The following RBFOX3 variants were observed in gnomAD, a reference collection of about 807,000 sequenced individuals.
The protein encoded by RBFOX3 is RNA binding fox-1 homolog 3.
Under a neutral mutation model 48.7 loss-of-function variants are expected in RBFOX3, and 17 were observed. The ratio of observed to expected loss-of-function variants is 0.35; its 90% confidence interval spans 0.24 to 0.52. The LOEUF is 0.52. Ranked by LOEUF, RBFOX3 falls within the 20% of genes least tolerant of loss-of-function variation. The pLI is 0.94. For missense variants in RBFOX3, 382 were observed against 497.5 expected (o/e 0.77, Z 2.21); for synonymous variants, 212 against 209.5 (o/e 1.01, Z -0.10).
chr17:79,618,847 T>G, the RBFOX3 span, among the ~76,000 whole-genome samples: 1 of 152,088 alleles, frequency 6.6e-6, no homozygotes, highest in Non-Finnish European at 1.5e-5. Context: ...AAATGAAAAC[T>G]AGGCTCAGCA....
the RBFOX3 span, among the ~76,000 whole-genome samples, chr17:79,661,505 G>C: frequency 6.6e-6 from 1 of 152,180 alleles, no homozygotes; most frequent in African/African-American, 2.4e-5. Flanking sequence ...CTACTGTGTT[G>C]CTTGGCCTGG....
intron 1 of RBFOX3, among the ~76,000 whole-genome samples, chr17:79,588,687 G>A (rs1226666115): frequency 2.6e-5 from 4 of 152,022 alleles, no homozygotes; most frequent in East Asian, 1.9e-4. Flanking sequence ...GTGATATAAC[G>A]AGACCCATCC....
chr17:79,106,605 TG>T (rs2077428180), intron 6 of RBFOX3, 45 bp downstream of exon 6: 1 of 1,411,142 alleles, frequency 7.1e-7, no homozygotes, highest in Non-Finnish European at 9.2e-7. Flanking sequence ...ACCCTGGAGC[TG>T]GGGCAGGTGT....
At position 79,214,568 on chromosome 17, in the gene RBFOX3, G is replaced by A. The variant is rs560456128; in HGVS notation, c.-34+21198C>T. 2.6e-5 allele frequency among the ~76,000 whole-genome samples: 4 copies of A among 152,074 alleles called. No homozygotes were observed. The South Asian group carries it at 6.3e-4, about 24-fold the overall frequency. On this transcript the variant is annotated intron_variant, in intron 4 of 14. Coordinates refer to ENST00000693108, the MANE Select transcript of RBFOX3 (RefSeq NM_001350451.2). The surrounding 1 kb of genome is among the most constrained non-coding windows in gnomAD (Gnocchi z 4.7). The stretch of plus-strand genomic sequence containing the variant: ...CCAAGTGGGAGGGATGTCTGGGGGG[G>A]GTCTCGGAGGAAGCAGGAAGGGTTG...
chr17:79,493,306 C>T (rs1411823403), intron 1 of RBFOX3, among the ~76,000 whole-genome samples: 1 of 152,204 alleles, frequency 6.6e-6, no homozygotes, highest in African/African-American at 2.4e-5. Context: ...CCAGGCCCCA[C>T]CTCTAACACT....
the RBFOX3 span, among the ~76,000 whole-genome samples, chr17:79,626,647 C>T: frequency 7.0e-4 from 106 of 152,368 alleles, 2 homozygotes; most frequent in Non-Finnish European, 7.2e-4. Context: ...ACTCTCCCAC[C>T]GATGGGATAT....
chr17:79,440,159 CAG>C (rs1362700852), intron 2 of RBFOX3, among the ~76,000 whole-genome samples: 3 of 152,194 alleles, frequency 2.0e-5, no homozygotes, highest in African/African-American at 7.2e-5. Flanking sequence ...CCTTACCGAA[CAG>C]AGATAAAGCC....
chr17:79,181,163 A>G (rs545472211), intron 4 of RBFOX3, among the ~76,000 whole-genome samples: 1 of 152,350 alleles, frequency 6.6e-6, no homozygotes, highest in East Asian at 1.9e-4. Context: ...CAAGGAAGAC[A>G]CTGAGGTTCA....
chr17:79,338,674 T>A (rs1042761237), intron 2 of RBFOX3, among the ~76,000 whole-genome samples: 1 of 152,194 alleles, frequency 6.6e-6, no homozygotes, highest in Non-Finnish European at 1.5e-5. Context: ...AGTTTACCAT[T>A]CCCTGTCCTT....
At chr17:79,619,257 G>A in the RBFOX3 span, among the ~76,000 whole-genome samples, 1 of 152,154 alleles carries the variant, frequency 6.6e-6, no homozygotes, top group Non-Finnish European at 1.5e-5. Flanking sequence ...AGGTCCTGGG[G>A]CTGCCACAAC....
At chr17:79,553,253 T>C (rs1230256906) in intron 1 of RBFOX3, among the ~76,000 whole-genome samples, 1 of 152,262 alleles carries the variant, frequency 6.6e-6, no homozygotes, top group Non-Finnish European at 1.5e-5. Context: ...TCTCTTTATA[T>C]TAATATGATG....
intron 1 of RBFOX3, among the ~76,000 whole-genome samples, chr17:79,505,927 G>A (rs1555778621): frequency 1.3e-5 from 2 of 152,228 alleles, no homozygotes; most frequent in African/African-American, 2.4e-5. Flanking sequence ...AGCTGAGGAA[G>A]CAAAGGCTAA....
chr17:79,255,215 A>ATGTGTGTGTGTGTGTG (rs1491568643), intron 3 of RBFOX3, among the ~76,000 whole-genome samples: 1 of 128,700 alleles, frequency 7.8e-6, no homozygotes, highest in Admixed American at 8.0e-5. Context: ...CTGTGGTCAC[A>ATGTGTGTGTGTGTGTG]TGTGTGCGTG....
At chr17:79,593,330 A>T (rs1047047620) in intron 1 of RBFOX3, among the ~76,000 whole-genome samples, 2 of 152,010 alleles carry the variant, frequency 1.3e-5, no homozygotes, top group Non-Finnish European at 2.9e-5. Flanking sequence ...ATGCATGCCG[A>T]GTTTTTATTC....
At chr17:79,284,489 G>C (rs962649478) in intron 3 of RBFOX3, among the ~76,000 whole-genome samples, 5 of 151,330 alleles carry the variant, frequency 3.3e-5, no homozygotes, top group African/African-American at 9.7e-5. Flanking sequence ...GGAGCTGAAG[G>C]CTCAGAGCAG....
upstream of RBFOX3, among the ~76,000 whole-genome samples, chr17:79,613,415 GAGTA>G (rs1327978664): frequency 3.3e-5 from 5 of 152,382 alleles, no homozygotes; most frequent in Middle Eastern, 6.8e-3. Context: ...GGCCGGAAGA[GAGTA>G]AGTGTCAGGG....
intron 4 of RBFOX3, among the ~76,000 whole-genome samples, chr17:79,120,400 T>C (rs1599525632): frequency 6.6e-6 from 1 of 151,210 alleles, no homozygotes; most frequent in African/African-American, 2.4e-5. Flanking sequence ...GATGGGTGGA[T>C]GGATGGATTA....
the RBFOX3 span, among the ~76,000 whole-genome samples, chr17:79,656,977 G>A: frequency 6.6e-6 from 1 of 151,998 alleles, no homozygotes; most frequent in African/African-American, 2.4e-5. Context: ...GCTGTGGGTG[G>A]TAGTTTGCTG....
chr17:79,598,895 C>G (rs943341578), intron 1 of RBFOX3: 1 of 152,178 alleles, frequency 6.6e-6, no homozygotes, highest in African/African-American at 2.4e-5. Context: ...AAGGGGGAAG[C>G]AAGTGTCTCA....
Sources: allele counts gnomAD v4.1 joint callset (sites outside exome capture counted in the v4.1 genomes callset), GRCh38; gene constraint gnomAD v4.1.1; non-coding constraint Gnocchi (gnomAD v3.1); transcripts MANE v1.5; gene names NCBI Gene and HGNC (gene_info 2026-07-23, HGNC 2026-07-21).